The following SNTG1 variants were observed in gnomAD, a reference collection of about 807,000 sequenced individuals.
The protein encoded by SNTG1 is gamma-1-syntrophin.
SNTG1 carries 39 observed loss-of-function variants against 74.7 expected under a neutral mutation model. The observed-to-expected ratio is 0.52, with a 90% confidence interval of 0.40 to 0.68. SNTG1 has a LOEUF of 0.68. Ranked by LOEUF, SNTG1 falls within the 30% of genes least tolerant of loss-of-function variation. SNTG1 has a pLI of 0.00. For missense variants in SNTG1, 685 were observed against 609.5 expected (o/e 1.12, Z -1.30); for synonymous variants, 254 against 217.1 (o/e 1.17, Z -1.49).
chr8:50,267,636 C>A (rs137987463), intron 2 of SNTG1, among the ~76,000 whole-genome samples: 2 of 152,266 alleles, frequency 1.3e-5, no homozygotes, highest in Non-Finnish European at 2.9e-5. Context: ...ATGAAGACAG[C>A]AAGGCTTATT....
At chr8:50,343,334 A>G (rs1042747400) in intron 2 of SNTG1, among the ~76,000 whole-genome samples, 2 of 152,224 alleles carry the variant, frequency 1.3e-5, no homozygotes, top group Admixed American at 6.5e-5. Flanking sequence ...TATCCTTACC[A>G]TTAGTGATTT....
intron 1 of SNTG1, among the ~76,000 whole-genome samples, chr8:50,008,045 A>T (rs1196032473): frequency 6.6e-6 from 1 of 152,026 alleles, no homozygotes; most frequent in Admixed American, 6.6e-5. Flanking sequence ...TCACCCCCTC[A>T]CCGGGTCCCT....
intron 1 of SNTG1, among the ~76,000 whole-genome samples, chr8:50,083,577 A>G (rs1822603126): frequency 6.6e-6 from 1 of 152,232 alleles, no homozygotes. Context: ...TGAATTTTAT[A>G]TAAAGCAAAA....
At chr8:50,226,593 A>C (rs1229553790) in intron 2 of SNTG1, among the ~76,000 whole-genome samples, 1 of 152,150 alleles carries the variant, frequency 6.6e-6, no homozygotes, top group Non-Finnish European at 1.5e-5. Flanking sequence ...CTTTCTATCA[A>C]TCCCAGGTCT....
At chr8:50,359,991 CAA>C (rs1226001965) in intron 2 of SNTG1, among the ~76,000 whole-genome samples, 2 of 151,878 alleles carry the variant, frequency 1.3e-5, no homozygotes, top group African/African-American at 4.8e-5. Context: ...AAGAAAAGAA[CAA>C]GTTTCTTAGA....
intron 4 of SNTG1, among the ~76,000 whole-genome samples, chr8:50,404,247 T>C (rs543774087): frequency 6.6e-6 from 1 of 152,162 alleles, no homozygotes; most frequent in East Asian, 1.9e-4. Context: ...CCCTGAAAAC[T>C]ACAAAAACTA....
chr8:50,564,626 G>T (rs1585699876), intron 12 of SNTG1, among the ~76,000 whole-genome samples: 1 of 152,172 alleles, frequency 6.6e-6, no homozygotes, highest in African/African-American at 2.4e-5. Flanking sequence ...TTCAAAGACT[G>T]AGATTTTAGT....
chr8:50,702,048 A>G (rs1363431786), intron 15 of SNTG1, among the ~76,000 whole-genome samples: 1 of 108,416 alleles, frequency 9.2e-6, no homozygotes, highest in Non-Finnish European at 1.8e-5. Context: ...ATGGGGTTTC[A>G]CCATGTGGGA....
chr8:50,285,812 TC>T (rs577684928), intron 2 of SNTG1, among the ~76,000 whole-genome samples: 10,338 of 73,154 alleles, frequency 0.14, 384 homozygotes, highest in Non-Finnish European at 0.2. Context: ...ACAATATATT[TC>T]CAAAAAAAAA....
At chr8:49,963,650 T>C (rs1156995319) in intron 1 of SNTG1, among the ~76,000 whole-genome samples, 1 of 152,192 alleles carries the variant, frequency 6.6e-6, no homozygotes, top group Non-Finnish European at 1.5e-5. Context: ...TTCAGTCCAG[T>C]GCTAACAGGT....
intron 15 of SNTG1, among the ~76,000 whole-genome samples, chr8:50,704,208 T>G (rs1239945149): frequency 1.3e-5 from 2 of 152,202 alleles, no homozygotes; most frequent in Non-Finnish European, 2.9e-5. Flanking sequence ...CTTATAAAGT[T>G]CCTTAAAATT....
At chr8:50,497,413 A>G (rs1340958110) in intron 8 of SNTG1, among the ~76,000 whole-genome samples, 3 of 151,988 alleles carry the variant, frequency 2.0e-5, no homozygotes, top group African/African-American at 7.2e-5. Flanking sequence ...ATAGAATATG[A>G]GTACTTAGCT....
chr8:50,586,939 G>A (rs1031050044), intron 12 of SNTG1, among the ~76,000 whole-genome samples: 1 of 151,790 alleles, frequency 6.6e-6, no homozygotes, highest in African/African-American at 2.4e-5. Flanking sequence ...AAGCAGCAAA[G>A]GAAGCATTCA....
intron 2 of SNTG1, among the ~76,000 whole-genome samples, chr8:50,379,225 A>G (rs554365682): frequency 6.6e-6 from 1 of 152,194 alleles, no homozygotes; most frequent in Non-Finnish European, 1.5e-5. Context: ...CTTCGACGGC[A>G]TCTGGGCTTG....
At chr8:50,068,059 A>G (rs1821044701) in intron 1 of SNTG1, among the ~76,000 whole-genome samples, 1 of 152,192 alleles carries the variant, frequency 6.6e-6, no homozygotes, top group Admixed American at 6.5e-5. Context: ...AATAAATCTG[A>G]GGGTCTCCTA....
intron 15 of SNTG1, among the ~76,000 whole-genome samples, chr8:50,660,393 GAA>G: frequency 2.1e-5 from 1 of 48,390 alleles, no homozygotes; most frequent in Admixed American, 2.9e-4. Context: ...AAGGAAGGAA[GAA>G]AAAGAGAAAG....
chr8:50,627,454 GCAGA>G (rs1041776107), intron 13 of SNTG1, among the ~76,000 whole-genome samples: 22 of 152,258 alleles, frequency 1.4e-4, no homozygotes, highest in Admixed American at 1.2e-3. Context: ...CATTTTGGAA[GCAGA>G]CAAAGTGGGC....
rs555852437 is a variant in SNTG1 at position 50,559,192 on chromosome 8, T to G, written c.810+6013T>G. 3.9e-5 allele frequency among the ~76,000 whole-genome samples: 6 copies of G among 152,320 alleles called. No individual in the cohort carries two copies. In the South Asian group the frequency reaches 1.2e-3, roughly 32 times the overall value. ...AAATGAATACATAGATGAATCTAGATGAACATTGTTTGTATTAAAATGGGA... is the reference window on the plus strand; with the variant it reads ...AAATGAATACATAGATGAATCTAGAGGAACATTGTTTGTATTAAAATGGGA... On this transcript the variant is annotated intron_variant, in intron 12 of 18. Transcript: ENST00000642720.
chr8:49,965,816 C>T (rs1585690298), intron 1 of SNTG1, among the ~76,000 whole-genome samples: 1 of 152,104 alleles, frequency 6.6e-6, no homozygotes, highest in Admixed American at 6.5e-5. Context: ...TCTATTTTTT[C>T]CCAAATGTCA....
Sources: gnomAD v4.1 joint callset for allele counts (sites outside exome capture counted in the v4.1 genomes callset) on GRCh38, gnomAD v4.1.1 for gene constraint, MANE v1.5 for transcripts, NCBI Gene and HGNC (gene_info 2026-07-23, HGNC 2026-07-21) for gene names.